Variants in LRP1B observed in about 807,000 individuals in gnomAD.
The protein encoded by LRP1B is LDL receptor related protein 1B.
In LRP1B, 217 loss-of-function variants were observed where a neutral mutation model predicts 556.6. The observed-to-expected ratio is 0.39, with a 90% CI of 0.35 to 0.44. The LOEUF (loss-of-function observed/expected upper bound fraction) is 0.44, where lower values mean the gene tolerates loss of function less well. Among genes scored for constraint, LRP1B ranks in the 20% least tolerant of loss-of-function variants. The pLI, the probability that LRP1B is intolerant of heterozygous loss-of-function variation, is 1.00. For synonymous variants in LRP1B, 2,047 were observed against 1,865.8 expected (o/e 1.10, Z -2.50); for missense variants, 5,053 against 5,620.8 (o/e 0.90, Z 3.23).
chr2:141,762,764 G>GAAT (rs1276567793), intron 2 of LRP1B, among the ~76,000 whole-genome samples: 1 of 152,122 alleles, frequency 6.6e-6, no homozygotes, highest in Non-Finnish European at 1.5e-5. Context: ...TTTTCTTTAA[G>GAAT]TTCTCTTCTC....
chr2:141,049,117 T>C lies in LRP1B; in HGVS notation c.1658A>G (p.Glu553Gly). 6.2e-7 allele frequency: 1 copy of C among 1,613,606 alleles called. No individual in the cohort carries two copies. The highest frequency in any genetic ancestry group is 1.1e-5 in the South Asian group (1 of 91,074). Reference sequence around the variant, plus strand: ...TAAAGCACGAGGGTTTACCAGATTTTCTATGGGGATCATGTATTCATCAGC... The same window carrying C: ...TAAAGCACGAGGGTTTACCAGATTTCCTATGGGGATCATGTATTCATCAGC... ...KIADEYMIPI[E>G]NLVNPRALDF... is the part of the protein sequence containing the mutation. Residue 553 changes from glutamate (E) to glycine (G), a missense_variant, in exon 11 of 91, where the codon GAA (glutamate) becomes GGA (glycine). Glu to Gly is a moderately conservative substitution (Grantham distance 98). Coordinates refer to ENST00000389484, the MANE Select transcript of LRP1B (RefSeq NM_018557.3).
intron 2 of LRP1B, among the ~76,000 whole-genome samples, chr2:141,550,079 C>T (rs1421439718): frequency 5.3e-5 from 8 of 152,180 alleles, no homozygotes; most frequent in Admixed American, 2.0e-4. Context: ...TATATTTTGT[C>T]ATTGACTACA....
intron 41 of LRP1B, among the ~76,000 whole-genome samples, chr2:140,629,737 C>T (rs1029247524): frequency 6.6e-6 from 1 of 152,164 alleles, no homozygotes; most frequent in Non-Finnish European, 1.5e-5. Flanking sequence ...CAAAGACACA[C>T]ATATATATGT....
intron 20 of LRP1B, among the ~76,000 whole-genome samples, chr2:140,938,298 T>A (rs1005755612): frequency 6.6e-6 from 1 of 151,940 alleles, no homozygotes; most frequent in Non-Finnish European, 1.5e-5. Context: ...ACTATCACAA[T>A]GAAAAAGTCC....
intron 6 of LRP1B, among the ~76,000 whole-genome samples, chr2:141,217,683 A>G (rs146985156): frequency 3.9e-5 from 6 of 152,306 alleles, no homozygotes; most frequent in African/African-American, 1.4e-4. Context: ...CTATGCAAAG[A>G]ATTTTTGACT....
At chr2:140,261,289 T>C (rs537136315) in intron 86 of LRP1B, among the ~76,000 whole-genome samples, 2 of 151,984 alleles carry the variant, frequency 1.3e-5, no homozygotes, top group South Asian at 4.1e-4. Context: ...TATATGAACC[T>C]CATAGTTTTA....
chr2:141,450,145 G>GA (rs1183749432), intron 3 of LRP1B, among the ~76,000 whole-genome samples: 5 of 152,134 alleles, frequency 3.3e-5, no homozygotes, highest in African/African-American at 1.2e-4. Context: ...GAGGGAGGGA[G>GA]AAAGAGATAG....
intron 7 of LRP1B, among the ~76,000 whole-genome samples, chr2:141,147,772 G>A (rs962431691): frequency 6.6e-6 from 1 of 152,124 alleles, no homozygotes; most frequent in Non-Finnish European, 1.5e-5. Flanking sequence ...TTGAAGTACG[G>A]TCACATACCA....
intron 83 of LRP1B, among the ~76,000 whole-genome samples, chr2:140,303,150 TC>T (rs60746771): frequency 0.05 from 7,491 of 150,938 alleles, 614 homozygotes; most frequent in African/African-American, 0.17. Flanking sequence ...ATACAATTTT[TC>T]TTCATAGATA....
intron 43 of LRP1B, among the ~76,000 whole-genome samples, chr2:140,544,344 A>G (rs928200132): frequency 1.3e-5 from 2 of 151,332 alleles, no homozygotes; most frequent in African/African-American, 2.4e-5. Context: ...AAGTTCAGGG[A>G]TATATGTGCA....
chr2:141,804,454 C>T (rs981816290), intron 2 of LRP1B, among the ~76,000 whole-genome samples: 1 of 151,930 alleles, frequency 6.6e-6, no homozygotes, highest in African/African-American at 2.4e-5. Flanking sequence ...GTCACCTGCC[C>T]CCAAATAATT....
chr2:140,753,472 A>T (rs1326912861), intron 35 of LRP1B, among the ~76,000 whole-genome samples: 1 of 152,214 alleles, frequency 6.6e-6, no homozygotes, highest in African/African-American at 2.4e-5. Context: ...GATTTATAGC[A>T]TAATAGGAAA....
intron 41 of LRP1B, among the ~76,000 whole-genome samples, chr2:140,632,276 GT>G (rs531475412): frequency 6.6e-6 from 1 of 151,964 alleles, no homozygotes; most frequent in Non-Finnish European, 1.5e-5. Context: ...TCTGATAGCT[GT>G]TTTTTTAAAA....
intron 7 of LRP1B, among the ~76,000 whole-genome samples, chr2:141,151,808 A>T (rs1194807840): frequency 6.6e-6 from 1 of 152,128 alleles, no homozygotes; most frequent in Non-Finnish European, 1.5e-5. Flanking sequence ...AACTTTTGCC[A>T]TCAGGGCAAA....
intron 41 of LRP1B, among the ~76,000 whole-genome samples, chr2:140,686,181 G>A (rs113918725): frequency 0.047 from 7,139 of 152,186 alleles, 256 homozygotes; most frequent in Middle Eastern, 0.099. Flanking sequence ...TGGATTTAAG[G>A]TAGTAGGGAG....
intron 7 of LRP1B, among the ~76,000 whole-genome samples, chr2:141,122,835 G>T (rs1052061111): frequency 9.9e-5 from 15 of 152,116 alleles, no homozygotes; most frequent in Non-Finnish European, 2.1e-4. Context: ...CAATAGCAAA[G>T]ACTTGGAACC....
intron 2 of LRP1B, among the ~76,000 whole-genome samples, chr2:141,761,447 T>C (rs1449903377): frequency 6.6e-6 from 1 of 151,718 alleles, no homozygotes; most frequent in Non-Finnish European, 1.5e-5. Flanking sequence ...ATAGAAATCA[T>C]TTGAAAAATA....
rs148667230 is a variant in LRP1B at position 140,550,843 on chromosome 2, C to T, written c.7195-8872G>A. Among the ~76,000 whole-genome samples, 1,173 of 152,184 alleles carry T rather than the reference C, an allele frequency of 7.7e-3. 16 individuals are homozygous for T. Among genetic ancestry groups the T allele is most frequent in the African/African-American group, 0.027 (1,117 of 41,528 alleles). On this transcript the variant is annotated intron_variant, in intron 43 of 90. Transcript: ENST00000389484. ...GAACTGAGTGTTTGTGTCCCCTTCC[C>T]GCAAATTCAGGTGTTGAAGCCCCAG...
At chr2:141,267,429 A>G (rs1436939194) in intron 3 of LRP1B, among the ~76,000 whole-genome samples, 2 of 152,200 alleles carry the variant, frequency 1.3e-5, no homozygotes, top group Non-Finnish European at 2.9e-5. Flanking sequence ...AAATGCTGAG[A>G]TATGAGCCAG....
Sources: allele counts gnomAD v4.1 joint callset (sites outside exome capture counted in the v4.1 genomes callset), GRCh38; gene constraint gnomAD v4.1.1; transcripts MANE v1.5; gene names NCBI Gene and HGNC (gene_info 2026-07-23, HGNC 2026-07-21).